BRPF1: variants seen among roughly 807,000 people sequenced by gnomAD.
BRPF1 encodes the protein bromodomain and PHD finger containing 1.
Under a neutral mutation model 115.0 loss-of-function variants are expected in BRPF1, and 15 were observed. The observed-to-expected ratio is 0.13, with a 90% CI of 0.09 to 0.20. BRPF1 has a LOEUF of 0.20. Among genes scored for constraint, BRPF1 ranks in the 10% least tolerant of loss-of-function variants. The probability of loss-of-function intolerance (pLI) is 1.00; values close to 1 mark genes in which losing one functional copy is unlikely to be tolerated. For synonymous variants in BRPF1, 647 were observed against 619.8 expected (o/e 1.04, Z -0.65); for missense variants, 1,118 against 1,638.3 (o/e 0.68, Z 5.48).
chr3:9,732,887 C>T (rs1412181140), intron 1 of BRPF1, among the ~76,000 whole-genome samples: 1 of 152,164 alleles, frequency 6.6e-6, no homozygotes, highest in Non-Finnish European at 1.5e-5. Context: ...TGGTTGAACT[C>T]AACTAGGCCG....
chr3:9,738,863 T>C, intron 2 of BRPF1, 136 bp from the exon 3 acceptor site: 1 of 732,932 alleles, frequency 1.4e-6, no homozygotes, highest in South Asian at 2.8e-5. Flanking sequence ...ATATCTGGAG[T>C]TAAGGTGAGG....
chr3:9,745,744 G>T lies in BRPF1; in HGVS notation c.3205+35G>T, dbSNP rs1004043431. ...CTTGCCCAAGGCCAGGGATGCTGGGGACCCAGTGTCAGGGTCTCGCCAGCC... is the reference window on the plus strand; with the variant it reads ...CTTGCCCAAGGCCAGGGATGCTGGGTACCCAGTGTCAGGGTCTCGCCAGCC... On this transcript the variant is annotated intron_variant, in intron 11 of 13. Coordinates refer to ENST00000383829, the MANE Select transcript of BRPF1 (RefSeq NM_001003694.2). The surrounding 1 kb of genome is among the most constrained non-coding windows in gnomAD (Gnocchi z 5.1). The T allele has an allele frequency of 1.9e-6, 3 of 1,611,824 alleles. No homozygotes were observed. The highest frequency in any genetic ancestry group is 1.7e-5 in the Admixed American group (1 of 59,964).
At position 9,741,329 on chromosome 3, in the gene BRPF1, T is replaced by C; in HGVS notation, c.1744T>C (p.Trp582Arg). 2 of 1,594,988 alleles carry C rather than the reference T, an allele frequency of 1.3e-6. No homozygotes were observed. The highest frequency in any genetic ancestry group is 1.7e-6 in the Non-Finnish European group (2 of 1,167,140). The stretch of plus-strand genomic sequence containing the variant: ...ACAGAGAGATTCTGAGGATAAGAAC[T>C]GGGCCCTTAAAGAACAGCTCAAGTC... ...QVGRDSEDKN[W>R]ALKEQLKSWQ... The change falls in exon 5 of 14, where the codon TGG (tryptophan) becomes CGG (arginine). Residue 582 changes from tryptophan (W) to arginine (R), a missense_variant. By Grantham distance (101) the Trp-to-Arg change is moderately radical. Around this residue, in one of 10 missense-constraint regions of BRPF1, gnomAD observed 178 missense variants for 303.7 expected, o/e 0.59. Coordinates refer to ENST00000383829, the MANE Select transcript of BRPF1 (RefSeq NM_001003694.2).
At chr3:9,740,581 G>T (rs866496393) in intron 3 of BRPF1, among the ~76,000 whole-genome samples, 198 bp from the exon 4 acceptor site, 7 of 152,120 alleles carry the variant, frequency 4.6e-5, no homozygotes, top group Non-Finnish European at 8.8e-5. Flanking sequence ...AGTGCTGGGA[G>T]CTTGGTTTCC....
intron 1 of BRPF1, among the ~76,000 whole-genome samples, chr3:9,733,678 A>G (rs932845480): frequency 1.3e-5 from 2 of 152,250 alleles, no homozygotes; most frequent in African/African-American, 2.4e-5. Context: ...ATGAGAGGTT[A>G]TAACATTCAG....
In BRPF1 at chr3:9,745,433, G is replaced by T; in HGVS notation, c.3069-140G>T. The T allele has an allele frequency of 9.0e-7, 1 of 1,108,336 alleles. No homozygotes were observed. Among genetic ancestry groups the T allele is most frequent in the East Asian group, 2.5e-5 (1 of 40,502 alleles). The allele number at this position is 1,108,336 out of a possible 1,614,324, so 68.7% of individuals were successfully genotyped here. A position where few individuals can be genotyped will look rare whatever the true frequency, so the allele number is the denominator to read the frequency against. Reference sequence around the variant, plus strand: ...GGTCATCAGCCTAGCCCCTGTGGGTGTTTGAATTTGAAATTCCTCATATAG... The same window carrying T: ...GGTCATCAGCCTAGCCCCTGTGGGTTTTTGAATTTGAAATTCCTCATATAG... On this transcript the variant is annotated intron_variant, in intron 10 of 13. Transcript: ENST00000383829. The surrounding 1 kb of genome is among the most constrained non-coding windows in gnomAD (Gnocchi z 5.1).
Position 9,746,283 on chromosome 3 carries a change from T to C in BRPF1, c.3325-17T>C. On this transcript the variant is annotated splice_polypyrimidine_tract_variant and intron_variant, in intron 12 of 13. Coordinates refer to ENST00000383829, the MANE Select transcript of BRPF1 (RefSeq NM_001003694.2). ...GGACATGGACTGAACCAAACTGGGC[T>C]CTTATTATATCCTCAGATCATTGAT... The C allele has an allele frequency of 2.0e-6, 3 of 1,530,794 alleles. No homozygotes were observed. Among genetic ancestry groups the C allele is most frequent in the Non-Finnish European group, 2.6e-6 (3 of 1,134,308 alleles). The allele number at this position is 1,530,794 out of a possible 1,614,324, so 94.8% of individuals were successfully genotyped here.
intron 5 of BRPF1, 60 bp from the exon 6 acceptor site, chr3:9,741,965 C>G (rs1430098531): frequency 6.3e-7 from 1 of 1,599,668 alleles, no homozygotes; most frequent in African/African-American, 1.3e-5. Flanking sequence ...ACCATATCCT[C>G]AGACCTCTTT....
In BRPF1 at chr3:9,739,428, A is replaced by G; in HGVS notation, c.1029A>G (p.Thr343=). Residue 343 remains threonine, a synonymous_variant, in exon 3 of 14, where the codon ACA becomes ACG. Coordinates refer to ENST00000383829, the MANE Select transcript of BRPF1 (RefSeq NM_001003694.2). The part of the protein sequence containing the change: ...CPNKGGAFKQ[T]DDGRWAHVVC... ...ACAAGGGCGGTGCCTTCAAGCAGAC[A>G]GATGACGGGCGCTGGGCCCATGTGG... The G allele has an allele frequency of 6.2e-7, 1 of 1,614,208 alleles. No homozygotes were observed. Among genetic ancestry groups the G allele is most frequent in the South Asian group, 1.1e-5 (1 of 91,084 alleles).
At chr3:9,735,016 CCTT>C (rs2076916480) in intron 2 of BRPF1, among the ~76,000 whole-genome samples, 1 of 146,588 alleles carries the variant, frequency 6.8e-6, no homozygotes, top group African/African-American at 2.6e-5. Context: ...CCAGATTTAT[CCTT>C]TTTTTTTTTT....
rs2077088553 is a variant in BRPF1 at position 9,744,477 on chromosome 3, C to T, written c.2889C>T (p.Asp963=). 1.3e-6 allele frequency: 2 copies of T among 1,569,510 alleles called. No individual in the cohort carries two copies. The highest frequency in any genetic ancestry group is 1.7e-6 in the Non-Finnish European group (2 of 1,158,804). ...SPRPSSSSDS[D]SDKSTEDPPM... ...GGCCCAGTTCGAGCTCAGACAGCGA[C>T]AGTGATAAGTCCACAGAAGACCCCC... is the stretch of plus-strand genomic sequence containing the variant. Residue 963 remains aspartate (D), a synonymous_variant, in exon 9 of 14, where the codon GAC becomes GAT. Coordinates refer to ENST00000383829, the MANE Select transcript of BRPF1 (RefSeq NM_001003694.2).
intron 13 of BRPF1, 133 bp downstream of exon 13, chr3:9,746,587 A>G: frequency 8.9e-7 from 1 of 1,124,752 alleles, no homozygotes; most frequent in Non-Finnish European, 1.2e-6. Flanking sequence ...GACTTAGAAC[A>G]GTTTTTTGAG....
chr3:9,745,705 C>G lies in BRPF1; in HGVS notation c.3201C>G (p.His1067Gln). 6.2e-7 allele frequency: 1 copy of G among 1,614,104 alleles called. No individual in the cohort carries two copies. Among genetic ancestry groups the G allele is most frequent in the Non-Finnish European group, 8.5e-7 (1 of 1,179,894 alleles). The change falls in exon 11 of 14, where the codon CAC (histidine) becomes CAG (glutamine). Residue 1067 changes from histidine to glutamine, a missense_variant. Transcript: ENST00000383829. The surrounding 1 kb of genome is among the most constrained non-coding windows in gnomAD (Gnocchi z 5.1). Reference protein sequence around the residue: ...YSVGTGRGVGHSMVRKSLGRG... With the variant: ...YSVGTGRGVGQSMVRKSLGRG... ...TGGGCACTGGCCGCGGCGTGGGCCA[C>G]AGCAGTAAGTTCCCTTGCCCAAGGC...
chr3:9,736,119 C>A (rs1020754407), intron 2 of BRPF1, among the ~76,000 whole-genome samples: 1 of 150,684 alleles, frequency 6.6e-6, no homozygotes, highest in African/African-American at 2.4e-5. Context: ...GCAATTCTCA[C>A]GCCTCAGCCT....
rs928426325 is a variant in BRPF1 at position 9,734,816 on chromosome 3, A to G, written c.599+77A>G. On this transcript the variant is annotated intron_variant, in intron 2 of 13. Transcript: ENST00000383829. The surrounding 1 kb of genome is among the most constrained non-coding windows in gnomAD (Gnocchi z 5.7). ...CTAGCCAGAGAGAGGTGAGAGGCAC[A>G]GATAGAAGAGTGACAGGAATAAAGA... The G allele has an allele frequency of 6.7e-5, 102 of 1,522,784 alleles. No homozygotes were observed. Among genetic ancestry groups the G allele is most frequent in the Non-Finnish European group, 8.5e-5 (95 of 1,116,290 alleles). The allele number at this position is 1,522,784 out of a possible 1,614,324, so 94.3% of individuals were successfully genotyped here. A position where few individuals can be genotyped will look rare whatever the true frequency, so the allele number is the denominator to read the frequency against.
Position 9,747,100 on chromosome 3 carries a change from T to C in BRPF1, c.3480-66T>C. The C allele has an allele frequency of 1.3e-6, 2 of 1,570,870 alleles. No individual in the cohort carries two copies. The highest frequency in any genetic ancestry group is 1.2e-5 in the South Asian group (1 of 86,342). ...TGCTTGGGTGGTGTGTTTGAGTGAATAGAGGAGGAAGGCTGGTCCTTGTTC... is the reference window on the plus strand; with the variant it reads ...TGCTTGGGTGGTGTGTTTGAGTGAACAGAGGAGGAAGGCTGGTCCTTGTTC... On this transcript the variant is annotated intron_variant, in intron 13 of 13. Transcript: ENST00000383829. The surrounding 1 kb of genome is among the most constrained non-coding windows in gnomAD (Gnocchi z 5.6).
intron 2 of BRPF1, among the ~76,000 whole-genome samples, chr3:9,735,446 T>C (rs1204918350): frequency 6.6e-6 from 1 of 152,212 alleles, no homozygotes; most frequent in Non-Finnish European, 1.5e-5. Flanking sequence ...TCCATTTCCT[T>C]ATGCATGACC....
chr3:9,743,721 A>C lies in BRPF1; in HGVS notation c.2455A>C (p.Lys819Gln). 1 of 1,614,184 alleles carries C rather than the reference A, an allele frequency of 6.2e-7. No homozygotes were observed. The highest frequency in any genetic ancestry group is 8.5e-7 in the Non-Finnish European group (1 of 1,180,032). The change falls in exon 8 of 14, where the codon AAG (lysine) becomes CAG (glutamine). Residue 819 changes from lysine (K) to glutamine (Q), a missense_variant. Transcript: ENST00000383829. This position sits in a 1 kb window ranked among gnomAD's most constrained non-coding sequence, Gnocchi z 6.1. ...CCGCTCACGGCGTGCAAAGATGATC[A>C]AGAAAGAGATGACGGCACTGCGGCG... Reference protein sequence around the residue: ...VGRSRRAKMIKKEMTALRRKL... With the variant: ...VGRSRRAKMIQKEMTALRRKL...
intron 2 of BRPF1, among the ~76,000 whole-genome samples, chr3:9,735,676 T>C (rs1003796054): frequency 3.3e-5 from 5 of 152,242 alleles, no homozygotes; most frequent in African/African-American, 1.2e-4. Context: ...TTAAACAATA[T>C]TTAATACTCC....
Sources: gnomAD v4.1 joint callset for allele counts (sites outside exome capture counted in the v4.1 genomes callset) on GRCh38, gnomAD v4.1.1 for gene constraint, gnomAD v4.1.1 regional missense constraint, Gnocchi (gnomAD v3.1) non-coding constraint, MANE v1.5 for transcripts, NCBI Gene and HGNC (gene_info 2026-07-23, HGNC 2026-07-21) for gene names.